CUBN: variants seen among roughly 807,000 people sequenced by gnomAD.
The protein encoded by CUBN is cubilin, also known as 460 kDa receptor.
A neutral mutation model predicts 405.3 loss-of-function variants in CUBN; 282 were observed. That is an observed-to-expected ratio of 0.70 (90% CI 0.63 to 0.77). The LOEUF (loss-of-function observed/expected upper bound fraction) is 0.77, where lower values mean the gene tolerates loss of function less well. Among genes scored for constraint, CUBN ranks in the 30% least tolerant of loss-of-function variants. The probability of loss-of-function intolerance (pLI) is 0.00; values close to 1 mark genes in which losing one functional copy is unlikely to be tolerated. For missense variants in CUBN, 4,514 were observed against 4,475.2 expected (o/e 1.01, Z -0.25); for synonymous variants, 1,684 against 1,617.0 (o/e 1.04, Z -0.99).
At chr10:16,907,816 T>G (rs1841598593) in intron 48 of CUBN, 137 bp from the exon 49 acceptor site, 3 of 877,260 alleles carry the variant, frequency 3.4e-6, no homozygotes, top group Non-Finnish European at 5.5e-6. Context: ...CAATGCAGGT[T>G]TCTATCGCAG....
At chr10:17,082,195 C>A (rs1835988826) in intron 17 of CUBN, among the ~76,000 whole-genome samples, 1 of 152,024 alleles carries the variant, frequency 6.6e-6, no homozygotes, top group South Asian at 2.1e-4. Flanking sequence ...CTTGATTCTA[C>A]CCCCAAAGTT....
At chr10:16,924,520 A>G (rs1842125336) in intron 43 of CUBN, among the ~76,000 whole-genome samples, 1 of 152,190 alleles carries the variant, frequency 6.6e-6, no homozygotes, top group Admixed American at 6.5e-5. Flanking sequence ...ATATATATAT[A>G]TGAATCTGGG....
At chr10:16,858,174 A>T (rs554811014) in intron 59 of CUBN, among the ~76,000 whole-genome samples, 1 of 152,328 alleles carries the variant, frequency 6.6e-6, no homozygotes, top group East Asian at 1.9e-4. Flanking sequence ...ATAAGTCTAG[A>T]TACATATATG....
intron 66 of CUBN, among the ~76,000 whole-genome samples, chr10:16,827,831 G>A (rs1838832284): frequency 6.6e-6 from 1 of 152,184 alleles, no homozygotes; most frequent in Admixed American, 6.5e-5. Context: ...AAACTTCTGA[G>A]CTCAAGTGAT....
chr10:17,035,717 A>G (rs1834881277), intron 27 of CUBN, among the ~76,000 whole-genome samples: 1 of 152,184 alleles, frequency 6.6e-6, no homozygotes, highest in Non-Finnish European at 1.5e-5. Flanking sequence ...CATTTTCCTC[A>G]GCAAACTAAT....
Position 16,877,095 on chromosome 10 carries a change from G to C in CUBN, c.8908C>G (p.Arg2970Gly). 1 of 1,612,920 alleles carries C rather than the reference G, an allele frequency of 6.2e-7. No homozygotes were observed. Among genetic ancestry groups the C allele is most frequent in the Non-Finnish European group, 8.5e-7 (1 of 1,179,476 alleles). ...LTFVSFHLEA[R>G]SAVTGSCVND... ...ACACAGCTTCCCGTCACAGCGGAAC[G>C]AGCTGGAAAAGGCATGGAACAACCG... Residue 2970 changes from arginine to glycine, a missense_variant and splice_region_variant, in exon 57 of 67, where the codon CGT (arginine) becomes GGT (glycine). Coordinates refer to ENST00000377833, the MANE Select transcript of CUBN (RefSeq NM_001081.4).
chr10:17,129,545 C>T (rs1837271933), intron 1 of CUBN, 99 bp downstream of exon 1: 5 of 1,494,814 alleles, frequency 3.3e-6, no homozygotes, highest in Non-Finnish European at 4.7e-6. Context: ...ACATAATTTT[C>T]CTCAAGAAAA....
intron 6 of CUBN, among the ~76,000 whole-genome samples, chr10:17,118,411 G>T (rs1464968028): frequency 6.6e-6 from 1 of 152,146 alleles, no homozygotes; most frequent in Non-Finnish European, 1.5e-5. Flanking sequence ...GTTATATGAA[G>T]ATGCTGCATT....
rs114626118 is a variant in CUBN, at chr10:17,036,964, C to T, written c.4017+4069G>A. Among the ~76,000 whole-genome samples the T allele has an allele frequency of 2.4e-3, 363 of 152,238 alleles. 2 individuals are homozygous for T. The highest frequency in any genetic ancestry group is 8.2e-3 in the African/African-American group (342 of 41,548). ...GGAGTTACAGTGCCTGCTAGAAAGCCGGCCTTGACACTTATAATCTTTCTG... is the reference window on the plus strand; with the variant it reads ...GGAGTTACAGTGCCTGCTAGAAAGCTGGCCTTGACACTTATAATCTTTCTG... On this transcript the variant is annotated intron_variant, in intron 27 of 66. Coordinates refer to ENST00000377833, the MANE Select transcript of CUBN (RefSeq NM_001081.4).
intron 46 of CUBN, among the ~76,000 whole-genome samples, chr10:16,915,609 G>C (rs577217500): frequency 6.6e-6 from 1 of 152,260 alleles, no homozygotes; most frequent in African/African-American, 2.4e-5. Flanking sequence ...TGGCCTCCAG[G>C]GTGGGCTATA....
chr10:17,068,362 C>G, intron 20 of CUBN, 82 bp from the exon 21 acceptor site: 1 of 1,396,378 alleles, frequency 7.2e-7, no homozygotes, highest in Non-Finnish European at 1.0e-6. Context: ...ATAATAACCT[C>G]TTCAAAGATT....
chr10:16,831,893 G>A (rs1204733193), intron 64 of CUBN, among the ~76,000 whole-genome samples: 4 of 152,136 alleles, frequency 2.6e-5, no homozygotes, highest in African/African-American at 4.8e-5. Flanking sequence ...TTACTTGGCT[G>A]TAAAGAGGCT....
intron 56 of CUBN, among the ~76,000 whole-genome samples, chr10:16,885,978 A>G (rs998310677): frequency 2.0e-5 from 3 of 152,244 alleles, no homozygotes; most frequent in African/African-American, 7.2e-5. Context: ...TAATAGCCTT[A>G]TAGATTTTAT....
At chr10:17,046,427 C>G (rs959851197) in intron 23 of CUBN, among the ~76,000 whole-genome samples, 1 of 152,114 alleles carries the variant, frequency 6.6e-6, no homozygotes, top group Non-Finnish European at 1.5e-5. Context: ...AGAAACTATA[C>G]TATTAACTAT....
At chr10:16,948,387 C>G in intron 35 of CUBN, 91 bp downstream of exon 35, 1 of 1,575,130 alleles carries the variant, frequency 6.3e-7, no homozygotes, top group Non-Finnish European at 8.7e-7. Flanking sequence ...AAACTGGCTC[C>G]CAACTACGAA....
intron 31 of CUBN, among the ~76,000 whole-genome samples, chr10:16,961,773 G>A (rs12770522): frequency 0.2 from 28,619 of 140,884 alleles, 3,051 homozygotes; most frequent in East Asian, 0.33. Context: ...GTGCAGTGGC[G>A]GGATCTCGAC....
At chr10:16,864,298 G>A (rs554741754) in intron 59 of CUBN, among the ~76,000 whole-genome samples, 8 of 152,242 alleles carry the variant, frequency 5.3e-5, no homozygotes, top group Middle Eastern at 6.8e-3. Context: ...AGGAAAGAAC[G>A]AAAAATCACT....
At chr10:16,899,995 T>A (rs1156320923) in intron 53 of CUBN, among the ~76,000 whole-genome samples, 2 of 152,216 alleles carry the variant, frequency 1.3e-5, no homozygotes, top group African/African-American at 4.8e-5. Flanking sequence ...TTTCACAATG[T>A]TTATACTTTC....
Position 17,019,866 on chromosome 10 carries a change from C to T in CUBN, c.4135G>A (p.Glu1379Lys), listed in dbSNP as rs571822928. The T allele has an allele frequency of 6.2e-7, 1 of 1,614,128 alleles. No individual in the cohort carries two copies. The highest frequency in any genetic ancestry group is 1.3e-5 in the African/African-American group (1 of 75,036). The change falls in exon 28 of 67, where the codon GAG becomes AAG. Residue 1379 changes from glutamate to lysine, a missense_variant. Glu to Lys is a moderately conservative substitution (Grantham distance 56, BLOSUM62 1). This residue lies in a region of CUBN where 242 missense variants were observed against 309.0 expected (regional missense o/e 0.78). Transcript: ENST00000377833. Reference sequence around the variant, plus strand: ...AACCACTGCATCTGAAATCCTTTCTCACGGCGGCCAACCCCATCTGTAAGG... The same window carrying T: ...AACCACTGCATCTGAAATCCTTTCTTACGGCGGCCAACCCCATCTGTAAGG... ...LLLTDGVGRR[E>K]KGFQMQWFVY...
Sources: gnomAD v4.1 joint callset for allele counts (sites outside exome capture counted in the v4.1 genomes callset) on GRCh38, gnomAD v4.1.1 for gene constraint, gnomAD v4.1.1 regional missense constraint, MANE v1.5 for transcripts, NCBI Gene and HGNC (gene_info 2026-07-23, HGNC 2026-07-21) for gene names.